Variants in ACVR2A observed in about 807,000 individuals in gnomAD.
ACVR2A encodes activin A receptor type 2A, also known as activin receptor type-2A.
Under a neutral mutation model 61.4 loss-of-function variants are expected in ACVR2A, and 7 were observed. The observed-to-expected ratio is 0.11, with a 90% confidence interval of 0.06 to 0.21. The LOEUF (loss-of-function observed/expected upper bound fraction) is 0.21, where lower values mean the gene tolerates loss of function less well. Among genes scored for constraint, ACVR2A ranks in the 10% least tolerant of loss-of-function variants. ACVR2A has a pLI of 1.00. For missense variants in ACVR2A, 322 were observed against 621.7 expected, an observed-to-expected ratio of 0.52 and a Z score of 5.13; for synonymous variants, 193 against 208.3, an observed-to-expected ratio of 0.93 and a Z score of 0.63.
chr2:147,927,008 G>T (rs1687520123), intron 10 of ACVR2A, 72 bp from the exon 11 acceptor site: 1 of 1,451,776 alleles, frequency 6.9e-7, no homozygotes, highest in South Asian at 1.3e-5. Flanking sequence ...ATTTCTTCAT[G>T]AAAATTTTAT....
chr2:147,920,234 A>G lies in ACVR2A; in HGVS notation c.967A>G (p.Ile323Val). 1 of 1,611,054 alleles carries G rather than the reference A, an allele frequency of 6.2e-7. No homozygotes were observed. The highest frequency in any genetic ancestry group is 8.5e-7 in the Non-Finnish European group (1 of 1,177,766). The change falls in exon 8 of 11, where the codon ATC (isoleucine) becomes GTC (valine). Residue 323 changes from isoleucine to valine, a missense_variant. Physicochemically the swap from Ile to Val is conservative, Grantham distance 29 (BLOSUM62 3). This residue lies in a region of ACVR2A where 146 missense variants were observed against 383.8 expected (regional missense o/e 0.38). Coordinates refer to ENST00000241416, the MANE Select transcript of ACVR2A (RefSeq NM_001616.5). ...GHKPAISHRD[I>V]KSKNVLLKNN... The stretch of plus-strand genomic sequence containing the variant: ...AATACTCTTTTTATTTGCAAGGGAC[A>G]TCAAAAGTAAAAATGTGCTGTTGAA...
At chr2:147,925,275 A>G (rs1017559231) in intron 9 of ACVR2A, among the ~76,000 whole-genome samples, 6 of 152,048 alleles carry the variant, frequency 3.9e-5, no homozygotes, top group Non-Finnish European at 8.8e-5. Flanking sequence ...AGGTACTGCC[A>G]TCTTAACCCT....
rs1687598389 is a variant in ACVR2A, at chr2:147,929,403, TATG to T, written c.*2134_*2136del. The stretch of plus-strand genomic sequence containing the variant: ...TTAAACAAAAATAAACAAGGGATAT[TATG>T]ATGAATGTTTGGCTTATGTGAGTAC... On this transcript the variant is annotated 3_prime_UTR_variant, in exon 11 of 11. Coordinates refer to ENST00000241416, the MANE Select transcript of ACVR2A (RefSeq NM_001616.5). The T allele has an allele frequency of 6.6e-6, 1 of 152,064 alleles. No homozygotes were observed. Among genetic ancestry groups the T allele is most frequent in the African/African-American group, 2.4e-5 (1 of 41,394 alleles). The allele number at this position is 152,064 out of a possible 1,614,324, so 9.4% of individuals were successfully genotyped here. A position where few individuals can be genotyped will look rare whatever the true frequency, so the allele number is the denominator to read the frequency against.
intron 1 of ACVR2A, among the ~76,000 whole-genome samples, chr2:147,884,196 TG>T (rs1263915218): frequency 6.6e-6 from 1 of 152,192 alleles, no homozygotes; most frequent in Non-Finnish European, 1.5e-5. Context: ...CTATAAATTC[TG>T]TTGCAAGTAT....
intron 5 of ACVR2A, among the ~76,000 whole-genome samples, chr2:147,916,361 G>A (rs888425614): frequency 3.3e-5 from 5 of 151,868 alleles, no homozygotes; most frequent in African/African-American, 7.2e-5. Context: ...TAACAAGCCC[G>A]ACAACAGCAA....
At chr2:147,862,760 T>G (rs1048898870) in intron 1 of ACVR2A, among the ~76,000 whole-genome samples, 1 of 151,368 alleles carries the variant, frequency 6.6e-6, no homozygotes, top group African/African-American at 2.4e-5. Context: ...AAAAAAATTG[T>G]TTTTCTAACA....
chr2:147,915,935 T>C (rs1337557097), intron 5 of ACVR2A, among the ~76,000 whole-genome samples: 1 of 151,850 alleles, frequency 6.6e-6, no homozygotes. Flanking sequence ...GTTGGTGGTA[T>C]AGATTTATGA....
intron 4 of ACVR2A, among the ~76,000 whole-genome samples, chr2:147,914,006 C>T (rs552961465): frequency 2.0e-5 from 3 of 151,942 alleles, no homozygotes; most frequent in Admixed American, 6.6e-5. Context: ...TGCTGAGGTT[C>T]TTTCTAGTAC....
intron 10 of ACVR2A, 129 bp downstream of exon 10, chr2:147,926,290 T>C (rs548596729): frequency 3.4e-6 from 4 of 1,177,406 alleles, no homozygotes; most frequent in South Asian, 3.1e-5. Context: ...CAGGATATTC[T>C]AGAGTTCTAG....
At chr2:147,872,377 A>C (rs1686043292) in intron 1 of ACVR2A, among the ~76,000 whole-genome samples, 1 of 151,848 alleles carries the variant, frequency 6.6e-6, no homozygotes, top group Admixed American at 6.6e-5. Context: ...TCATATTTTC[A>C]GAATACTTTT....
intron 8 of ACVR2A, among the ~76,000 whole-genome samples, chr2:147,921,785 G>GA (rs1687387259): frequency 6.6e-6 from 1 of 151,618 alleles, no homozygotes; most frequent in Admixed American, 6.6e-5. Context: ...CATTTTTTGA[G>GA]AAAAAAAATT....
chr2:147,907,201 T>C (rs1399724014), intron 4 of ACVR2A, among the ~76,000 whole-genome samples: 2 of 152,214 alleles, frequency 1.3e-5, no homozygotes, highest in Non-Finnish European at 2.9e-5. Context: ...TAGTATTCCA[T>C]GGTATACATG....
intron 5 of ACVR2A, 45 bp from the exon 6 acceptor site, chr2:147,917,238 A>G (rs1687267341): frequency 6.3e-7 from 1 of 1,579,942 alleles, no homozygotes; most frequent in Non-Finnish European, 8.6e-7. Context: ...GGTTTATTAA[A>G]CCTGTATTCC....
At chr2:147,878,072 C>G (rs1686204346) in intron 1 of ACVR2A, among the ~76,000 whole-genome samples, 1 of 152,072 alleles carries the variant, frequency 6.6e-6, no homozygotes, top group Non-Finnish European at 1.5e-5. Flanking sequence ...TATAGAGCTA[C>G]TATTAAAATA....
chr2:147,927,188 A>G lies in ACVR2A; in HGVS notation c.1456A>G (p.Thr486Ala). 1.9e-6 allele frequency: 3 copies of G among 1,612,386 alleles called. No individual in the cohort carries two copies. Among genetic ancestry groups the G allele is most frequent in the Non-Finnish European group, 2.5e-6 (3 of 1,178,884 alleles). Residue 486 changes from threonine (T) to alanine (A), a missense_variant, in exon 11 of 11, where the codon ACA (threonine) becomes GCA (alanine). Transcript: ENST00000241416. The stretch of plus-strand genomic sequence containing the variant: ...AAGAATTACCCAGATGCAGAGACTA[A>G]CAAATATTATTACCACAGAGGACAT... Reference protein sequence around the residue: ...GERITQMQRLTNIITTEDIVT... With the variant: ...GERITQMQRLANIITTEDIVT...
At chr2:147,897,274 C>T (rs1686760908) in intron 2 of ACVR2A, among the ~76,000 whole-genome samples, 1 of 152,052 alleles carries the variant, frequency 6.6e-6, no homozygotes, top group African/African-American at 2.4e-5. Flanking sequence ...TCCCAAAGTG[C>T]TAGGATTACA....
intron 6 of ACVR2A, among the ~76,000 whole-genome samples, 162 bp from the exon 7 acceptor site, chr2:147,918,285 A>T (rs867894531): frequency 6.6e-6 from 1 of 151,968 alleles, no homozygotes; most frequent in African/African-American, 2.4e-5. Flanking sequence ...GTGAAATGGA[A>T]GGAAATTTGA....
intron 4 of ACVR2A, among the ~76,000 whole-genome samples, chr2:147,900,976 T>C (rs558195428): frequency 1.3e-5 from 2 of 152,182 alleles, no homozygotes; most frequent in Admixed American, 1.3e-4. Flanking sequence ...CCATAATCCT[T>C]GTAAGATGTG....
At chr2:147,913,083 C>A (rs895799634) in intron 4 of ACVR2A, among the ~76,000 whole-genome samples, 1 of 151,230 alleles carries the variant, frequency 6.6e-6, no homozygotes, top group Non-Finnish European at 1.5e-5. Context: ...ATTTGGAAAA[C>A]ATTTAATGAA....
Sources: gnomAD v4.1 joint callset for allele counts (sites outside exome capture counted in the v4.1 genomes callset) on GRCh38, gnomAD v4.1.1 for gene constraint, gnomAD v4.1.1 regional missense constraint, MANE v1.5 for transcripts, NCBI Gene and HGNC (gene_info 2026-07-23, HGNC 2026-07-21) for gene names.